The following ZNF839 variants were observed in gnomAD, a reference collection of about 807,000 sequenced individuals.
The protein encoded by ZNF839 is zinc finger protein 839.
A neutral mutation model predicts 56.4 loss-of-function variants in ZNF839; 38 were observed. The observed-to-expected ratio is 0.67, with a 90% CI of 0.52 to 0.88. The LOEUF (loss-of-function observed/expected upper bound fraction) is 0.88, where lower values mean the gene tolerates loss of function less well. Ranked by LOEUF, ZNF839 falls within the 40% of genes least tolerant of loss-of-function variation. ZNF839 has a pLI of 0.00. For missense variants in ZNF839, 1,091 were observed against 1,177.6 expected, an observed-to-expected ratio of 0.93 and a Z score of 1.08; for synonymous variants, 486 against 493.5, an observed-to-expected ratio of 0.98 and a Z score of 0.20.
At position 102,326,259 on chromosome 14, in the gene ZNF839, T is replaced by C; in HGVS notation, c.563T>C (p.Val188Ala). 1.2e-6 allele frequency: 2 copies of C among 1,613,794 alleles called. No individual in the cohort carries two copies. The highest frequency in any genetic ancestry group is 1.7e-6 in the Non-Finnish European group (2 of 1,179,824). The change falls in exon 2 of 8, where the codon GTC becomes GCC. Residue 188 changes from valine to alanine, a missense_variant. Around this residue, in one of 3 missense-constraint regions of ZNF839, gnomAD observed 614 missense variants for 629.2 expected, o/e 0.98. Coordinates refer to ENST00000442396, the MANE Select transcript of ZNF839 (RefSeq NM_018335.6). This position sits in a 1 kb window ranked among gnomAD's most constrained non-coding sequence, Gnocchi z 4.3. ...AGACCACTGCCAGCCCTCCAGGTGGTCCCTGCAAAGAGAGTCCCAGCCCCC... is the reference window on the plus strand; with the variant it reads ...AGACCACTGCCAGCCCTCCAGGTGGCCCCTGCAAAGAGAGTCCCAGCCCCC... ...VQRPLPALQV[V>A]PAKRVPAPKA...
Position 102,342,094 on chromosome 14 carries a change from C to A in ZNF839, c.2699C>A (p.Ser900Tyr), listed in dbSNP as rs781260571. Residue 900 changes from serine to tyrosine, a missense_variant, in exon 8 of 8, where the codon TCC (serine) becomes TAC (tyrosine). By Grantham distance (144) the Ser-to-Tyr change is moderately radical. This residue lies in a region of ZNF839 where 431 missense variants were observed against 468.0 expected (regional missense o/e 0.92). Transcript: ENST00000442396. ...FIQTSDGLIL[S>Y]PPGTIVSQEE... is the part of the protein sequence containing the mutation. ...CAGACTTCCGATGGGCTTATCTTGT[C>A]CCCTCCAGGTACAATAGTGTCTCAG... is the stretch of plus-strand genomic sequence containing the variant. 6.2e-7 allele frequency: 1 copy of A among 1,613,982 alleles called. No homozygotes were observed.
At chr14:102,327,400 C>G (rs1179108312) in intron 2 of ZNF839, among the ~76,000 whole-genome samples, 1 of 152,162 alleles carries the variant, frequency 6.6e-6, no homozygotes. Context: ...CTCAGCCTCC[C>G]AAAATGCTGA....
rs867046555 is a variant in ZNF839 at position 102,327,947 on chromosome 14, A to G, written c.1191+1060A>G. 2.6e-5 allele frequency among the ~76,000 whole-genome samples: 4 copies of G among 152,252 alleles called. No individual in the cohort carries two copies. In the South Asian group the frequency reaches 8.3e-4, roughly 32 times the overall value. The stretch of plus-strand genomic sequence containing the variant: ...CTGGGGGTGCTTCTGGAGTGTCAAC[A>G]GCTCCTGGCTGCTTAGCGTGTCCTC... On this transcript the variant is annotated intron_variant, in intron 2 of 7. Coordinates refer to ENST00000442396, the MANE Select transcript of ZNF839 (RefSeq NM_018335.6).
At chr14:102,333,708 C>A (rs991486164) in intron 3 of ZNF839, among the ~76,000 whole-genome samples, 4 of 152,272 alleles carry the variant, frequency 2.6e-5, no homozygotes, top group Admixed American at 2.6e-4. Context: ...TACAGACTCC[C>A]ACGCTTCCCG....
chr14:102,337,997 G>A (rs1270920306), intron 5 of ZNF839, among the ~76,000 whole-genome samples: 1 of 152,202 alleles, frequency 6.6e-6, no homozygotes, highest in Non-Finnish European at 1.5e-5. Flanking sequence ...AGACTCAGGA[G>A]ATGGTGGCTC....
chr14:102,320,027 C>G lies in ZNF839; in HGVS notation c.262C>G (p.Arg88Gly). Residue 88 changes from arginine (R) to glycine (G), a missense_variant, in exon 1 of 8, where the codon CGC becomes GGC. Physicochemically the swap from Arg to Gly is moderately radical, Grantham distance 125. This residue lies in a region of ZNF839 where 614 missense variants were observed against 629.2 expected (regional missense o/e 0.98). Transcript: ENST00000442396. The part of the protein sequence containing the change: ...LQRGRGTEPP[R>G]LPRLLPPQQL... The stretch of plus-strand genomic sequence containing the variant: ...GCGGGGCCGGGGCACCGAGCCCCCG[C>G]GCCTGCCGCGCCTGCTCCCGCCCCA... 8.5e-7 allele frequency: 1 copy of G among 1,180,314 alleles called. No individual in the cohort carries two copies. Among genetic ancestry groups the G allele is most frequent in the Non-Finnish European group, 1.0e-6 (1 of 955,258 alleles). The allele number at this position is 1,180,314 out of a possible 1,614,324, so 73.1% of individuals were successfully genotyped here. A position where few individuals can be genotyped will look rare whatever the true frequency, so the allele number is the denominator to read the frequency against.
chr14:102,325,823 G>A lies in ZNF839; in HGVS notation c.289-162G>A, dbSNP rs541540602. Among the ~76,000 whole-genome samples, 5 of 152,196 alleles carry A rather than the reference G, an allele frequency of 3.3e-5. No individual in the cohort carries two copies. In the South Asian group the frequency reaches 1.0e-3, roughly 32 times the overall value. On this transcript the variant is annotated intron_variant, in intron 1 of 7. Transcript: ENST00000442396. ...ATCACTGTGGTCTCTGGTCAGAAAG[G>A]TCTGGAAAATACCACCTTAGTACAA...
intron 2 of ZNF839, among the ~76,000 whole-genome samples, chr14:102,329,910 C>G (rs1194150804): frequency 1.3e-5 from 2 of 150,718 alleles, no homozygotes; most frequent in African/African-American, 4.9e-5. Context: ...TCTCCTGCCT[C>G]AGCCTCCCGA....
At chr14:102,323,782 C>T (rs901021513) in intron 1 of ZNF839, among the ~76,000 whole-genome samples, 1 of 152,158 alleles carries the variant, frequency 6.6e-6, no homozygotes, top group African/African-American at 2.4e-5. Flanking sequence ...ACACATACAT[C>T]GTGAAGATTC....
rs1886158766 is a variant in ZNF839, at chr14:102,338,883, C to T, written c.1727C>T (p.Pro576Leu). 1.2e-6 allele frequency: 2 copies of T among 1,613,774 alleles called. No individual in the cohort carries two copies. The highest frequency in any genetic ancestry group is 2.2e-5 in the South Asian group (2 of 91,080). Residue 576 changes from proline to leucine, a missense_variant, in exon 6 of 8, where the codon CCC becomes CTC. Transcript: ENST00000442396. ...KKEIHPDNLG[P>L]KHLSRDMDGE... ...GAAATACACCCAGACAACCTTGGAC[C>T]CAAGCACCTCAGCCGAGACATGGAT...
Position 102,339,117 on chromosome 14 carries a change from A to G in ZNF839, c.1821A>G (p.Ser607=). Residue 607 remains serine (S), a synonymous_variant, in exon 7 of 8, where the codon TCA becomes TCG. Transcript: ENST00000442396. The part of the protein sequence containing the change: ...EREAAEEGLA[S]VKRPRREALS... ...AGGCTGCGGAGGAGGGACTGGCCTC[A>G]GTGAAAAGGCCCAGAAGAGAAGCCC... is the stretch of plus-strand genomic sequence containing the variant. 6.2e-7 allele frequency: 1 copy of G among 1,613,764 alleles called. No individual in the cohort carries two copies. The highest frequency in any genetic ancestry group is 8.5e-7 in the Non-Finnish European group (1 of 1,179,778).
Position 102,338,804 on chromosome 14 carries a change from A to G in ZNF839, c.1660-12A>G, listed in dbSNP as rs745426988. ...TGGGTGAAGTTTATTCTCTTGGCCCATTTCTTTTCAGGTTGCTGAGTCATT... is the reference window on the plus strand; with the variant it reads ...TGGGTGAAGTTTATTCTCTTGGCCCGTTTCTTTTCAGGTTGCTGAGTCATT... On this transcript the variant is annotated splice_polypyrimidine_tract_variant and intron_variant, in intron 5 of 7. Transcript: ENST00000442396. The G allele has an allele frequency of 3.1e-6, 5 of 1,613,724 alleles. No individual in the cohort carries two copies. The East Asian group carries it at 8.9e-5, about 29-fold the overall frequency.
chr14:102,341,201 C>T, intron 7 of ZNF839, 122 bp from the exon 8 acceptor site: 1 of 1,180,456 alleles, frequency 8.5e-7, no homozygotes, highest in Non-Finnish European at 1.1e-6. Context: ...GAGCAAGGAG[C>T]ATCGATGCTT....
chr14:102,323,013 A>C (rs953899082), intron 1 of ZNF839, among the ~76,000 whole-genome samples: 1 of 149,734 alleles, frequency 6.7e-6, no homozygotes, highest in Non-Finnish European at 1.5e-5. Context: ...TATTTGTACT[A>C]GTATAACAGA....
chr14:102,338,984 CTG>C (rs757140939), intron 6 of ZNF839, 31 bp downstream of exon 6: 3 of 1,613,842 alleles, frequency 1.9e-6, no homozygotes, highest in Non-Finnish European at 2.5e-6. Flanking sequence ...TGCCAGGTGA[CTG>C]TGCACGGTGA....
In ZNF839 at chr14:102,326,554, CTG is replaced by C. The variant is rs777513081; in HGVS notation, c.863_864del (p.Val288GlyfsTer4). On this transcript the variant is annotated frameshift_variant, in exon 2 of 8. Transcript: ENST00000442396. LOFTEE classifies it high-confidence loss of function. This position sits in a 1 kb window ranked among gnomAD's most constrained non-coding sequence, Gnocchi z 4.3. ...CAGATTCTGATGATTACTCAGAACT[CTG>C]TGTGGAAGAAGATGAAGATCAGAGG... is the stretch of plus-strand genomic sequence containing the variant. Reference protein sequence around the residue: ...LSDSDDYSELCVEEDEDQRER... With the variant: ...LSDSDDYSELXVEEDEDQRER... The C allele has an allele frequency of 5.6e-6, 9 of 1,613,986 alleles. No individual in the cohort carries two copies. Among genetic ancestry groups the C allele is most frequent in the Non-Finnish European group, 7.6e-6 (9 of 1,179,878 alleles).
chr14:102,340,390 G>C (rs541140300), intron 7 of ZNF839, among the ~76,000 whole-genome samples: 1 of 151,832 alleles, frequency 6.6e-6, no homozygotes, highest in Admixed American at 6.6e-5. Flanking sequence ...TCCTGCCTCA[G>C]CCTCCTGAGT....
rs1486510882 is a variant in ZNF839, at chr14:102,326,362, C to T, written c.666C>T (p.Ser222=). Residue 222 remains serine (S), a synonymous_variant, in exon 2 of 8, where the codon TCC becomes TCT. Coordinates refer to ENST00000442396, the MANE Select transcript of ZNF839 (RefSeq NM_018335.6). This position sits in a 1 kb window ranked among gnomAD's most constrained non-coding sequence, Gnocchi z 4.3. ...CGCTGGCAGTAACATCTCTTTCATC[C>T]AGTTCAGCACATCCATTTATTTCCA... ...SDPLAVTSLS[S]SSAHPFISNL... 1 of 1,610,158 alleles carries T rather than the reference C, an allele frequency of 6.2e-7. No homozygotes were observed. The highest frequency in any genetic ancestry group is 8.5e-7 in the Non-Finnish European group (1 of 1,177,966).
intron 4 of ZNF839, 103 bp downstream of exon 4, chr14:102,334,749 T>C: frequency 1.7e-6 from 1 of 601,126 alleles, no homozygotes; most frequent in Non-Finnish European, 2.5e-6. Flanking sequence ...GCATAGTTGT[T>C]AATTTTATTT....
Sources: allele counts gnomAD v4.1 joint callset (sites outside exome capture counted in the v4.1 genomes callset), GRCh38; gene constraint gnomAD v4.1.1; regional missense constraint gnomAD v4.1.1; non-coding constraint Gnocchi (gnomAD v3.1); transcripts MANE v1.5; gene names NCBI Gene and HGNC (gene_info 2026-07-23, HGNC 2026-07-21).